NTM: variants seen among roughly 807,000 people sequenced by gnomAD.
NTM encodes the protein neurotrimin.
In NTM, 13 loss-of-function variants were observed where a neutral mutation model predicts 42.1. The observed-to-expected ratio is 0.31, with a 90% CI of 0.20 to 0.49. NTM has a LOEUF of 0.49. Ranked by LOEUF, NTM falls within the 20% of genes least tolerant of loss-of-function variation. The pLI, the probability that NTM is intolerant of heterozygous loss-of-function variation, is 0.99. For missense variants in NTM, 373 were observed against 452.8 expected (o/e 0.82, Z 1.60); for synonymous variants, 187 against 179.2 (o/e 1.04, Z -0.35).
At chr11:131,452,957 T>A (rs1950595679) in intron 1 of NTM, among the ~76,000 whole-genome samples, 1 of 152,200 alleles carries the variant, frequency 6.6e-6, no homozygotes, top group Non-Finnish European at 1.5e-5. Context: ...GTCAATGTCC[T>A]GGGTGATAAA....
At chr11:131,960,734 C>T (rs563927552) in intron 2 of NTM, among the ~76,000 whole-genome samples, 1 of 152,224 alleles carries the variant, frequency 6.6e-6, no homozygotes, top group Admixed American at 6.5e-5. Flanking sequence ...CCATCCTGTT[C>T]CCTTCCAGGG....
chr11:131,992,241 A>G (rs1416752007), intron 2 of NTM, among the ~76,000 whole-genome samples: 1 of 152,154 alleles, frequency 6.6e-6, no homozygotes, highest in Non-Finnish European at 1.5e-5. Flanking sequence ...ACTTTTTTCT[A>G]TGATTTTCTT....
chr11:131,572,586 T>G, intron 1 of NTM, among the ~76,000 whole-genome samples: 1 of 152,200 alleles, frequency 6.6e-6, no homozygotes, highest in East Asian at 1.9e-4. Flanking sequence ...TTCCCTTGGA[T>G]GACTGTGCGC....
intron 1 of NTM, among the ~76,000 whole-genome samples, chr11:131,421,097 T>C (rs1216973294): frequency 6.6e-6 from 1 of 152,152 alleles, no homozygotes; most frequent in Non-Finnish European, 1.5e-5. Flanking sequence ...TTGAAGAGAA[T>C]TCGACCCGGA....
At chr11:132,221,099 G>A (rs912065020) in intron 4 of NTM, among the ~76,000 whole-genome samples, 14 of 152,248 alleles carry the variant, frequency 9.2e-5, no homozygotes, top group African/African-American at 1.9e-4. Flanking sequence ...GGATGAAAAC[G>A]TCCATATCAC....
At chr11:131,542,845 C>A (rs746873018) in intron 1 of NTM, among the ~76,000 whole-genome samples, 3 of 152,182 alleles carry the variant, frequency 2.0e-5, no homozygotes, top group Non-Finnish European at 2.9e-5. Flanking sequence ...CTTTGTCCCA[C>A]GTGAGAGTCG....
At chr11:131,802,166 A>T (rs2092173037) in intron 1 of NTM, among the ~76,000 whole-genome samples, 1 of 152,210 alleles carries the variant, frequency 6.6e-6, no homozygotes, top group African/African-American at 2.4e-5. Context: ...TAAATTAGAG[A>T]ATCATAGACA....
At chr11:131,504,226 G>C (rs551651416) in intron 1 of NTM, among the ~76,000 whole-genome samples, 1 of 152,136 alleles carries the variant, frequency 6.6e-6, no homozygotes, top group Non-Finnish European at 1.5e-5. Flanking sequence ...CTCGCACAGC[G>C]CATGCCTGAA....
chr11:131,798,295 C>T (rs977790370), intron 1 of NTM, among the ~76,000 whole-genome samples: 36 of 152,190 alleles, frequency 2.4e-4, no homozygotes, highest in East Asian at 5.8e-4. Context: ...TTATCATGGA[C>T]GTAGCCGAGA....
At chr11:131,522,925 G>A (rs1271974937) in intron 1 of NTM, among the ~76,000 whole-genome samples, 1 of 152,252 alleles carries the variant, frequency 6.6e-6, no homozygotes, top group Non-Finnish European at 1.5e-5. Flanking sequence ...CCAAGCATTA[G>A]TATTTCTTAA....
chr11:132,036,351 G>A (rs2076510426), intron 2 of NTM, among the ~76,000 whole-genome samples: 1 of 152,108 alleles, frequency 6.6e-6, no homozygotes, highest in South Asian at 2.1e-4. Flanking sequence ...TGGCAGCATG[G>A]GGGAAATTGG....
At chr11:131,947,102 T>C (rs1453771166) in intron 2 of NTM, among the ~76,000 whole-genome samples, 1 of 152,238 alleles carries the variant, frequency 6.6e-6, no homozygotes, top group Non-Finnish European at 1.5e-5. Context: ...GTTTCTAAAA[T>C]GTGACATTTG....
chr11:132,326,009 G>T (rs1165875369), intron 7 of NTM, among the ~76,000 whole-genome samples: 1 of 150,782 alleles, frequency 6.6e-6, no homozygotes, highest in East Asian at 2.0e-4. Flanking sequence ...ACACACTGGG[G>T]ACTGTTGTGG....
chr11:131,508,644 A>C (rs1245374573), intron 1 of NTM, among the ~76,000 whole-genome samples: 9 of 151,112 alleles, frequency 6.0e-5, no homozygotes, highest in African/African-American at 2.2e-4. Context: ...CCAAATGTCC[A>C]ACAATGATAG....
At chr11:131,894,301 C>T (rs1277154827) in intron 1 of NTM, among the ~76,000 whole-genome samples, 4 of 152,224 alleles carry the variant, frequency 2.6e-5, no homozygotes, top group Non-Finnish European at 5.9e-5. Context: ...CCTAAAGGCA[C>T]TTTCACCCAT....
intron 1 of NTM, among the ~76,000 whole-genome samples, chr11:131,808,644 C>T (rs2092615887): frequency 6.6e-6 from 1 of 152,162 alleles, no homozygotes; most frequent in South Asian, 2.1e-4. Flanking sequence ...TGGTCATGAA[C>T]CTGGTGTCTC....
chr11:132,197,946 C>T lies in NTM; in HGVS notation c.401-14076C>T, dbSNP rs1031416837. ...CAAGTCTTTGCTATTGTGAGTAGTG[C>T]CACAGTAAACATACGTGTGCATGTG... is the stretch of plus-strand genomic sequence containing the variant. On this transcript the variant is annotated intron_variant, in intron 3 of 8. Coordinates refer to ENST00000683400, the MANE Select transcript of NTM (RefSeq NM_001352005.2). Among the ~76,000 whole-genome samples the T allele has an allele frequency of 3.9e-5, 6 of 152,060 alleles. No homozygotes were observed. In the East Asian group the frequency reaches 9.7e-4, roughly 25 times the overall value.
chr11:131,952,279 T>C (rs2061087543), intron 2 of NTM, among the ~76,000 whole-genome samples: 1 of 152,218 alleles, frequency 6.6e-6, no homozygotes, highest in Admixed American at 6.5e-5. Flanking sequence ...CAAACTTGAA[T>C]TATAGATGTA....
intron 1 of NTM, chr11:131,796,123 G>A: frequency 2.0e-6 from 2 of 985,430 alleles, no homozygotes; most frequent in Non-Finnish European, 2.4e-6. Flanking sequence ...ACTGGCCACA[G>A]GAAGTTGAAG....
Sources: allele counts gnomAD v4.1 joint callset (sites outside exome capture counted in the v4.1 genomes callset), GRCh38; gene constraint gnomAD v4.1.1; transcripts MANE v1.5; gene names NCBI Gene and HGNC (gene_info 2026-07-23, HGNC 2026-07-21).